IGSF3: variants seen among roughly 807,000 people sequenced by gnomAD.
IGSF3 encodes glu-Trp-Ile EWI motif-containing protein 3.
A neutral mutation model predicts 114.4 loss-of-function variants in IGSF3; 23 were observed. That is an observed-to-expected ratio of 0.20 (90% CI 0.14 to 0.28). The LOEUF is 0.28. IGSF3 is among the 10% of genes least tolerant of loss of function. IGSF3 has a pLI of 1.00. For synonymous variants in IGSF3, 571 were observed against 645.2 expected (o/e 0.88, Z 1.74); for missense variants, 1,172 against 1,591.5 (o/e 0.74, Z 4.48).
chr1:116,661,035 G>T lies in IGSF3; in HGVS notation c.43+5249C>A, dbSNP rs1182663274. On this transcript the variant is annotated intron_variant, in intron 2 of 10. Transcript: ENST00000369486. The surrounding 1 kb of genome is among the most constrained non-coding windows in gnomAD (Gnocchi z 4.0). ...GGGCCAGGTGTGGTAGCTCACGCCT[G>T]TAATTTCAGCATTTTGGGAGGCCAA... 6.6e-6 allele frequency among the ~76,000 whole-genome samples: 1 copy of T among 151,914 alleles called. No individual in the cohort carries two copies. Among genetic ancestry groups the T allele is most frequent in the African/African-American group, 2.4e-5 (1 of 41,346 alleles).
Position 116,593,801 on chromosome 1 carries a change from A to G in IGSF3, c.2030-4697T>C, listed in dbSNP as rs991524193. On this transcript the variant is annotated intron_variant, in intron 7 of 10. Transcript: ENST00000369486. This position sits in a 1 kb window ranked among gnomAD's most constrained non-coding sequence, Gnocchi z 4.5. ...CCACAGCCCGTGACAGCAGTTCTCA[A>G]TAAGGCAGCTAATTGCAAGCAGGTC... is the stretch of plus-strand genomic sequence containing the variant. 7.2e-5 allele frequency among the ~76,000 whole-genome samples: 11 copies of G among 152,184 alleles called. No individual in the cohort carries two copies. The highest frequency in any genetic ancestry group is 1.3e-4 in the Non-Finnish European group (9 of 68,034).
rs1405139112 is a variant in IGSF3 at position 116,634,105 on chromosome 1, T to C, written c.44-17648A>G. ...GTAACGGTGATGGTCTCTGGAAGAATTAGGTCAGAAGCAGACTTAATTTGC... is the reference window on the plus strand; with the variant it reads ...GTAACGGTGATGGTCTCTGGAAGAACTAGGTCAGAAGCAGACTTAATTTGC... On this transcript the variant is annotated intron_variant, in intron 2 of 10. Coordinates refer to ENST00000369486, the MANE Select transcript of IGSF3 (RefSeq NM_001007237.3). The surrounding 1 kb of genome is among the most constrained non-coding windows in gnomAD (Gnocchi z 4.2). Among the ~76,000 whole-genome samples, 1 of 152,234 alleles carries C rather than the reference T, an allele frequency of 6.6e-6. No homozygotes were observed. Among genetic ancestry groups the C allele is most frequent in the Non-Finnish European group, 1.5e-5 (1 of 68,038 alleles).
Position 116,625,456 on chromosome 1 carries a change from CTG to C in IGSF3, c.44-9001_44-9000del, listed in dbSNP as rs1189626263. Among the ~76,000 whole-genome samples, 3 of 152,212 alleles carry C rather than the reference CTG, an allele frequency of 2.0e-5. No homozygotes were observed. Among genetic ancestry groups the C allele is most frequent in the Admixed American group, 2.0e-4 (3 of 15,276 alleles). On this transcript the variant is annotated intron_variant, in intron 2 of 10. Transcript: ENST00000369486. This position sits in a 1 kb window ranked among gnomAD's most constrained non-coding sequence, Gnocchi z 4.7. ...TTGCGGAGGTCGTTTTGTCACATGA[CTG>C]GAGGGCACATCAGTGCCAGGCGGAA...
Position 116,665,284 on chromosome 1 carries a change from G to T in IGSF3, c.43+1000C>A, listed in dbSNP as rs1649283069. On this transcript the variant is annotated intron_variant, in intron 2 of 10. Transcript: ENST00000369486. The surrounding 1 kb of genome is among the most constrained non-coding windows in gnomAD (Gnocchi z 4.0). ...ACAGATCACCCTAAGTTCCCTACGT[G>T]CAAGACACCTAGATTTGGAGACGTG... 6.6e-6 allele frequency among the ~76,000 whole-genome samples: 1 copy of T among 152,158 alleles called. No individual in the cohort carries two copies. Among genetic ancestry groups the T allele is most frequent in the Non-Finnish European group, 1.5e-5 (1 of 68,026 alleles).
chr1:116,641,421 A>G (rs1571183586), intron 2 of IGSF3, among the ~76,000 whole-genome samples: 1 of 142,234 alleles, frequency 7.0e-6, no homozygotes, highest in East Asian at 2.3e-4. Context: ...GCTTGGACCC[A>G]GGAGGCAGAG....
chr1:116,609,123 G>A (rs1215890554), intron 4 of IGSF3, among the ~76,000 whole-genome samples: 1 of 151,528 alleles, frequency 6.6e-6, no homozygotes, highest in East Asian at 2.0e-4. Flanking sequence ...CTTTCCCACT[G>A]AGTAAGTACT....
Position 116,600,688 on chromosome 1 carries a change from A to G in IGSF3, c.1625-343T>C, listed in dbSNP as rs575303648. Among the ~76,000 whole-genome samples the G allele has an allele frequency of 5.5e-4, 83 of 152,260 alleles. No individual in the cohort carries two copies. Among genetic ancestry groups the G allele is most frequent in the African/African-American group, 1.9e-3 (81 of 41,544 alleles). Reference sequence around the variant, plus strand: ...CAGGGTTGCTCCTAGAAATCTTGAGATTCCATGAGAGAACAGGAAAAGAAA... The same window carrying G: ...CAGGGTTGCTCCTAGAAATCTTGAGGTTCCATGAGAGAACAGGAAAAGAAA... On this transcript the variant is annotated intron_variant, in intron 6 of 10. Coordinates refer to ENST00000369486, the MANE Select transcript of IGSF3 (RefSeq NM_001007237.3). The surrounding 1 kb of genome is among the most constrained non-coding windows in gnomAD (Gnocchi z 5.5).
chr1:116,613,352 A>G (rs1571156945), intron 4 of IGSF3, among the ~76,000 whole-genome samples: 1 of 152,252 alleles, frequency 6.6e-6, no homozygotes, highest in African/African-American at 2.4e-5. Context: ...TGGCTTCTGC[A>G]AATGAAACCA....
chr1:116,660,479 CTTT>C (rs71274759), intron 2 of IGSF3, among the ~76,000 whole-genome samples: 3 of 99,738 alleles, frequency 3.0e-5, no homozygotes, highest in Non-Finnish European at 6.1e-5. Flanking sequence ...GTATGCTTTT[CTTT>C]TTTTTTTTTT....
rs1406674334 is a variant in IGSF3, at chr1:116,654,223, G to A, written c.43+12061C>T. ...AGGTCTCTGAGAAGTGCTGCTTGTA[G>A]GGAGAAGAATGGCCCTGCACAGAGG... On this transcript the variant is annotated intron_variant, in intron 2 of 10. Coordinates refer to ENST00000369486, the MANE Select transcript of IGSF3 (RefSeq NM_001007237.3). This position sits in a 1 kb window ranked among gnomAD's most constrained non-coding sequence, Gnocchi z 4.4. 6.6e-6 allele frequency among the ~76,000 whole-genome samples: 1 copy of A among 152,236 alleles called. No individual in the cohort carries two copies. The highest frequency in any genetic ancestry group is 1.9e-4 in the East Asian group (1 of 5,192).
chr1:116,597,217 C>T lies in IGSF3; in HGVS notation c.2029+2724G>A, dbSNP rs529059655. ...TATAAAATGGGAAAGCAATATGTTCCTCCCAGGGTTGCAGTGAAGATTAAG... is the reference window on the plus strand; with the variant it reads ...TATAAAATGGGAAAGCAATATGTTCTTCCCAGGGTTGCAGTGAAGATTAAG... On this transcript the variant is annotated intron_variant, in intron 7 of 10. Transcript: ENST00000369486. Among the ~76,000 whole-genome samples, 9 of 152,296 alleles carry T rather than the reference C, an allele frequency of 5.9e-5. No individual in the cohort carries two copies. The South Asian group carries it at 6.2e-4, about 11-fold the overall frequency.
chr1:116,666,358 C>G lies in IGSF3; in HGVS notation c.-32G>C, dbSNP rs184918336. ...AGCCTCCAGGAGACACAACACAAGG[C>G]GCTTCCTCTTCTCCCAGCTCCTAAT... On this transcript the variant is annotated 5_prime_UTR_variant, in exon 2 of 11. Coordinates refer to ENST00000369486, the MANE Select transcript of IGSF3 (RefSeq NM_001007237.3). 1 of 1,609,266 alleles carries G rather than the reference C, an allele frequency of 6.2e-7. No individual in the cohort carries two copies. The highest frequency in any genetic ancestry group is 1.7e-5 in the Admixed American group (1 of 60,018).
chr1:116,582,702 T>C lies in IGSF3; in HGVS notation c.2848+1943A>G, dbSNP rs990196480. On this transcript the variant is annotated intron_variant, in intron 9 of 10. Coordinates refer to ENST00000369486, the MANE Select transcript of IGSF3 (RefSeq NM_001007237.3). The surrounding 1 kb of genome is among the most constrained non-coding windows in gnomAD (Gnocchi z 4.7). ...ATGGGAAAACGCTCATAAAAGAAAG[T>C]TGAGTGGGAAAAAAGATCACATAAA... Among the ~76,000 whole-genome samples, 4 of 152,198 alleles carry C rather than the reference T, an allele frequency of 2.6e-5. No individual in the cohort carries two copies. The highest frequency in any genetic ancestry group is 3.4e-3 in the Middle Eastern group (1 of 294).
intron 2 of IGSF3, among the ~76,000 whole-genome samples, chr1:116,635,962 T>G (rs1457860214): frequency 1.3e-5 from 2 of 152,232 alleles, no homozygotes; most frequent in Non-Finnish European, 2.9e-5. Flanking sequence ...CATCTTTGTG[T>G]GTCCCCTTGC....
rs2101031086 is a variant in IGSF3, at chr1:116,625,189, T to C, written c.44-8732A>G. Among the ~76,000 whole-genome samples the C allele has an allele frequency of 6.6e-6, 1 of 152,310 alleles. No individual in the cohort carries two copies. The highest frequency in any genetic ancestry group is 1.9e-4 in the East Asian group (1 of 5,186). ...TAGGACAGAAACTGTGAGGGAGAGA[T>C]TGATAAGACATAGTTGACAAGTTGT... On this transcript the variant is annotated intron_variant, in intron 2 of 10. Coordinates refer to ENST00000369486, the MANE Select transcript of IGSF3 (RefSeq NM_001007237.3). This position sits in a 1 kb window ranked among gnomAD's most constrained non-coding sequence, Gnocchi z 4.7.
At chr1:116,604,674 C>T (rs1295033351) in intron 5 of IGSF3, among the ~76,000 whole-genome samples, 2 of 152,188 alleles carry the variant, frequency 1.3e-5, no homozygotes, top group Admixed American at 1.3e-4. Flanking sequence ...GCCAGCAGCT[C>T]GTCATCCACC....
intron 2 of IGSF3, among the ~76,000 whole-genome samples, chr1:116,635,905 C>A (rs1205969887): frequency 6.6e-6 from 1 of 152,232 alleles, no homozygotes; most frequent in Non-Finnish European, 1.5e-5. Context: ...TGCAGGCAAC[C>A]ATTCCTGCCT....
chr1:116,625,540 T>G lies in IGSF3; in HGVS notation c.44-9083A>C, dbSNP rs527940493. On this transcript the variant is annotated intron_variant, in intron 2 of 10. Transcript: ENST00000369486. The surrounding 1 kb of genome is among the most constrained non-coding windows in gnomAD (Gnocchi z 4.7). ...AACACCTCCTCTGGGACTGGGGAAG[T>G]TGAGAAAGAGCCTAACAGAGGTAAG... 1.4e-4 allele frequency among the ~76,000 whole-genome samples: 21 copies of G among 152,226 alleles called. No individual in the cohort carries two copies. Among genetic ancestry groups the G allele is most frequent in the African/African-American group, 3.4e-4 (14 of 41,530 alleles).
Position 116,665,377 on chromosome 1 carries a change from G to C in IGSF3, c.43+907C>G, listed in dbSNP as rs181653601. On this transcript the variant is annotated intron_variant, in intron 2 of 10. Transcript: ENST00000369486. The surrounding 1 kb of genome is among the most constrained non-coding windows in gnomAD (Gnocchi z 4.0). ...ACCGAGCCTTACAGAGAGGGCAGGG[G>C]GTGTGCTCATGTATGAGGTCTGAGA... Among the ~76,000 whole-genome samples the C allele has an allele frequency of 1.3e-5, 2 of 152,272 alleles. No homozygotes were observed. The highest frequency in any genetic ancestry group is 2.9e-5 in the Non-Finnish European group (2 of 68,024).
Sources: gnomAD v4.1 joint callset for allele counts (sites outside exome capture counted in the v4.1 genomes callset) on GRCh38, gnomAD v4.1.1 for gene constraint, Gnocchi (gnomAD v3.1) non-coding constraint, MANE v1.5 for transcripts, NCBI Gene and HGNC (gene_info 2026-07-23, HGNC 2026-07-21) for gene names.